The following PTPRJ variants were observed in gnomAD, a reference collection of about 807,000 sequenced individuals.
PTPRJ encodes the protein receptor-type tyrosine-protein phosphatase eta.
A neutral mutation model predicts 141.3 loss-of-function variants in PTPRJ; 129 were observed. The ratio of observed to expected loss-of-function variants is 0.91; its 90% CI spans 0.79 to 1.06. The LOEUF is 1.06. Among genes scored for constraint, PTPRJ ranks in the 50% least tolerant of loss-of-function variants. PTPRJ has a pLI of 0.00. For synonymous variants in PTPRJ, 610 were observed against 640.5 expected, an observed-to-expected ratio of 0.95 and a Z score of 0.72; for missense variants, 1,601 against 1,679.7, an observed-to-expected ratio of 0.95 and a Z score of 0.82.
Position 48,168,768 on chromosome 11 carries a change from T to C in PTPRJ, c.*1406T>C, listed in dbSNP as rs1354822303. The stretch of plus-strand genomic sequence containing the variant: ...GTGTGTATCCACCAAGAATTTCAAA[T>C]TTATGTGGATTTATTTTATTGGTAC... On this transcript the variant is annotated 3_prime_UTR_variant, in exon 25 of 25. Transcript: ENST00000418331. 6.6e-6 allele frequency: 1 copy of C among 151,418 alleles called. No homozygotes were observed. Among genetic ancestry groups the C allele is most frequent in the African/African-American group, 2.4e-5 (1 of 41,204 alleles). The allele number at this position is 151,418 out of a possible 1,614,324, so 9.4% of individuals were successfully genotyped here. A position where few individuals can be genotyped will look rare whatever the true frequency, so the allele number is the denominator to read the frequency against.
At chr11:48,028,251 G>A (rs946042713) in intron 1 of PTPRJ, among the ~76,000 whole-genome samples, 6 of 152,198 alleles carry the variant, frequency 3.9e-5, no homozygotes, top group African/African-American at 1.4e-4. Context: ...GGCTTGCAGA[G>A]CACTACCTGT....
At chr11:48,045,044 C>T (rs892181800) in intron 1 of PTPRJ, among the ~76,000 whole-genome samples, 1 of 152,162 alleles carries the variant, frequency 6.6e-6, no homozygotes, top group Non-Finnish European at 1.5e-5. Flanking sequence ...TGAGTAGCAC[C>T]TTTGGGGTAC....
chr11:48,067,477 C>T (rs978240281), intron 1 of PTPRJ, among the ~76,000 whole-genome samples: 4 of 152,172 alleles, frequency 2.6e-5, no homozygotes, highest in Admixed American at 6.5e-5. Context: ...TTCAGACTTT[C>T]TTAGGCAGGG....
In PTPRJ at chr11:48,125,109, C is replaced by T. The variant is rs1249139873; in HGVS notation, c.1016C>T (p.Thr339Ile). The T allele has an allele frequency of 6.2e-7, 1 of 1,613,972 alleles. No homozygotes were observed. The highest frequency in any genetic ancestry group is 1.3e-5 in the African/African-American group (1 of 74,892). ...CTGCTTGTCGGGTTAGAGCCTGGCA[C>T]CCGATACAATGCCACCGTTTATTCC... The part of the protein sequence containing the change: ...EVLLVGLEPG[T>I]RYNATVYSQA... Residue 339 changes from threonine to isoleucine, a missense_variant, in exon 6 of 25, where the codon ACC (threonine) becomes ATC (isoleucine). Physicochemically the swap from Thr to Ile is moderately conservative, Grantham distance 89. Coordinates refer to ENST00000418331, the MANE Select transcript of PTPRJ (RefSeq NM_002843.4).
At chr11:48,108,311 A>G (rs974145608) in intron 1 of PTPRJ, among the ~76,000 whole-genome samples, 3 of 152,256 alleles carry the variant, frequency 2.0e-5, no homozygotes, top group African/African-American at 7.2e-5. Flanking sequence ...CAAGGCAGGT[A>G]CAAAGATCAT....
intron 1 of PTPRJ, among the ~76,000 whole-genome samples, chr11:48,004,011 GA>G (rs1430210816): frequency 1.3e-5 from 2 of 152,134 alleles, no homozygotes; most frequent in Non-Finnish European, 2.9e-5. Context: ...ATGGTACCCA[GA>G]AAAACTCTTA....
chr11:48,023,611 G>T (rs1049638498), intron 1 of PTPRJ, among the ~76,000 whole-genome samples: 9 of 151,850 alleles, frequency 5.9e-5, no homozygotes, highest in African/African-American at 1.9e-4. Flanking sequence ...GTGAAACCCC[G>T]TCTCTACTAA....
At chr11:48,127,738 TG>T in intron 6 of PTPRJ, 41 bp from the exon 7 acceptor site, 1 of 1,599,242 alleles carries the variant, frequency 6.3e-7, no homozygotes, top group Non-Finnish European at 8.5e-7. Context: ...CCCTCTGCCT[TG>T]GCCGTTCTGG....
intron 1 of PTPRJ, among the ~76,000 whole-genome samples, chr11:48,074,967 C>G (rs1316346706): frequency 6.6e-6 from 1 of 151,996 alleles, no homozygotes; most frequent in Non-Finnish European, 1.5e-5. Context: ...GAAGTGATGG[C>G]TGTCAGTCGT....
intron 1 of PTPRJ, among the ~76,000 whole-genome samples, chr11:48,021,942 A>G (rs1855136023): frequency 6.6e-6 from 1 of 152,196 alleles, no homozygotes; most frequent in African/African-American, 2.4e-5. Context: ...TCTTTAAGAA[A>G]CATGGGCATG....
intron 23 of PTPRJ, among the ~76,000 whole-genome samples, chr11:48,163,905 C>T (rs150959097): frequency 1.2e-3 from 180 of 152,268 alleles, no homozygotes; most frequent in African/African-American, 4.0e-3. Context: ...TGCTTTTCTG[C>T]TACAGTGACA....
chr11:48,054,721 A>G (rs1470340674), intron 1 of PTPRJ, among the ~76,000 whole-genome samples: 2 of 152,136 alleles, frequency 1.3e-5, no homozygotes, highest in Non-Finnish European at 2.9e-5. Context: ...AAGTTAGAGT[A>G]GGTTTTAATT....
At chr11:48,148,493 A>G (rs1434677839) in intron 15 of PTPRJ, among the ~76,000 whole-genome samples, 1 of 151,704 alleles carries the variant, frequency 6.6e-6, no homozygotes, top group African/African-American at 2.4e-5. Context: ...GCTGGAGTGC[A>G]ATGGCGTGGT....
At chr11:48,145,558 G>GTTTTTTTTTTTTTTTTTTTTTTTTTGT (rs574426609) in intron 14 of PTPRJ, among the ~76,000 whole-genome samples, 1 of 117,506 alleles carries the variant, frequency 8.5e-6, no homozygotes, top group Non-Finnish European at 1.7e-5. Flanking sequence ...TTTATTTTAT[G>GTTTTTTTTTTTTTTTTTTTTTTTTTGT]TTTTTTTTTT....
intron 1 of PTPRJ, among the ~76,000 whole-genome samples, chr11:48,062,792 A>G (rs1382779793): frequency 6.6e-6 from 1 of 152,156 alleles, no homozygotes; most frequent in Non-Finnish European, 1.5e-5. Flanking sequence ...AACTTTTCCA[A>G]CAGGTGCATA....
At chr11:48,045,209 CT>C (rs1854359292) in intron 1 of PTPRJ, among the ~76,000 whole-genome samples, 2 of 152,154 alleles carry the variant, frequency 1.3e-5, no homozygotes, top group South Asian at 4.1e-4. Context: ...TACTTAGAAC[CT>C]CTTTATTTTA....
At chr11:48,069,493 A>G (rs1455855930) in intron 1 of PTPRJ, among the ~76,000 whole-genome samples, 1 of 136,214 alleles carries the variant, frequency 7.3e-6, no homozygotes, top group African/African-American at 2.8e-5. Context: ...TCTGGTGCCC[A>G]GGCTGAAGTG....
At chr11:48,139,815 A>G (rs1455712256) in intron 11 of PTPRJ, 39 bp downstream of exon 11, 6 of 1,606,974 alleles carry the variant, frequency 3.7e-6, no homozygotes, top group Admixed American at 1.7e-5. Flanking sequence ...TGGCACTGTG[A>G]TCACTCCTGG....
intron 1 of PTPRJ, among the ~76,000 whole-genome samples, chr11:48,030,885 G>A (rs1413739731): frequency 6.6e-6 from 1 of 152,192 alleles, no homozygotes; most frequent in African/African-American, 2.4e-5. Context: ...TGCACACACT[G>A]AGCTGCAAGG....
Sources: gnomAD v4.1 joint callset for allele counts (sites outside exome capture counted in the v4.1 genomes callset) on GRCh38, gnomAD v4.1.1 for gene constraint, MANE v1.5 for transcripts, NCBI Gene and HGNC (gene_info 2026-07-23, HGNC 2026-07-21) for gene names.